The following CCSER1 variants were observed in gnomAD, a reference collection of about 807,000 sequenced individuals.
The protein encoded by CCSER1 is serine-rich coiled-coil domain-containing protein 1.
Under a neutral mutation model 82.0 loss-of-function variants are expected in CCSER1, and 41 were observed. The observed-to-expected ratio is 0.50, with a 90% CI of 0.39 to 0.65. CCSER1 has a LOEUF of 0.65. CCSER1 is among the 30% of genes least tolerant of loss of function. The pLI, the probability that CCSER1 is intolerant of heterozygous loss-of-function variation, is 0.00. For synonymous variants in CCSER1, 414 were observed against 383.9 expected (o/e 1.08, Z -0.92); for missense variants, 1,119 against 1,064.2 (o/e 1.05, Z -0.72).
In CCSER1 at chr4:91,246,827, TACACACACACAC is replaced by T. The variant is rs34278711; in HGVS notation, c.2217+160852_2217+160863del. 4.2e-5 allele frequency among the ~76,000 whole-genome samples: 6 copies of T among 144,174 alleles called. No homozygotes were observed. In the South Asian group the frequency reaches 8.8e-4, roughly 21 times the overall value. The allele number at this position is 144,174 out of a possible 152,430, so 94.6% of individuals were successfully genotyped here. ...GGCATCTCATACACACATACACACA[TACACACACACAC>T]ACACACACACACACACACGGATAGC... On this transcript the variant is annotated intron_variant, in intron 10 of 10. Transcript: ENST00000509176.
intron 3 of CCSER1, among the ~76,000 whole-genome samples, chr4:90,389,709 G>A (rs1045172037): frequency 3.3e-5 from 5 of 152,140 alleles, no homozygotes; most frequent in South Asian, 2.1e-4. Context: ...TAAATAGTCC[G>A]TATTTATTCC....
chr4:91,435,841 G>C (rs1182437044), intron 10 of CCSER1, among the ~76,000 whole-genome samples: 1 of 152,042 alleles, frequency 6.6e-6, no homozygotes, highest in Non-Finnish European at 1.5e-5. Flanking sequence ...CCTATAATTT[G>C]CTTTTTGTCT....
intron 10 of CCSER1, among the ~76,000 whole-genome samples, chr4:91,135,905 T>C (rs1728423041): frequency 6.6e-6 from 1 of 152,216 alleles, no homozygotes; most frequent in Admixed American, 6.5e-5. Flanking sequence ...AGTATATTTG[T>C]ATAAACCTGA....
rs1368232560 is a variant in CCSER1, at chr4:90,928,521, A to G, written c.2172+5074A>G. Among the ~76,000 whole-genome samples, 14 of 152,268 alleles carry G rather than the reference A, an allele frequency of 9.2e-5. No homozygotes were observed. The East Asian group carries it at 2.5e-3, about 27-fold the overall frequency. ...ACTGGTGAGGGCATACTTAAAAATC[A>G]ATAAGCTAAGTAAATAAGCAAATTA... On this transcript the variant is annotated intron_variant, in intron 9 of 10. Transcript: ENST00000509176.
At chr4:91,563,201 G>T (rs1391989819) in intron 10 of CCSER1, among the ~76,000 whole-genome samples, 1 of 151,554 alleles carries the variant, frequency 6.6e-6, no homozygotes, top group African/African-American at 2.4e-5. Flanking sequence ...TAATACTAAA[G>T]TCAGGCCGGG....
At chr4:91,238,670 T>TA (rs1380303199) in intron 10 of CCSER1, among the ~76,000 whole-genome samples, 4 of 152,194 alleles carry the variant, frequency 2.6e-5, no homozygotes, top group African/African-American at 9.7e-5. Flanking sequence ...ATAATCCAAT[T>TA]GGTTGGCCAG....
At chr4:90,877,388 A>G (rs1767346582) in intron 8 of CCSER1, among the ~76,000 whole-genome samples, 1 of 152,118 alleles carries the variant, frequency 6.6e-6, no homozygotes. Flanking sequence ...AAAAAGTATA[A>G]TCCTGGAGGA....
At chr4:90,336,361 A>G (rs1264324436) in intron 3 of CCSER1, among the ~76,000 whole-genome samples, 4 of 152,232 alleles carry the variant, frequency 2.6e-5, no homozygotes, top group Admixed American at 6.5e-5. Flanking sequence ...GATTCCAAAC[A>G]TAGGACTCTA....
intron 1 of CCSER1, among the ~76,000 whole-genome samples, chr4:90,218,701 C>T (rs1201545182): frequency 2.0e-5 from 3 of 151,836 alleles, no homozygotes; most frequent in East Asian, 1.9e-4. Flanking sequence ...AAACATGATA[C>T]GAAAACCTGA....
At chr4:91,468,934 A>C (rs1287729248) in intron 10 of CCSER1, among the ~76,000 whole-genome samples, 2 of 152,170 alleles carry the variant, frequency 1.3e-5, no homozygotes, top group Non-Finnish European at 2.9e-5. Flanking sequence ...TATTAGGCCA[A>C]AATTCAATCT....
intron 8 of CCSER1, among the ~76,000 whole-genome samples, chr4:90,842,424 G>A (rs1314830520): frequency 1.3e-5 from 2 of 152,130 alleles, no homozygotes; most frequent in African/African-American, 4.8e-5. Context: ...TAGTGGGAAT[G>A]TAGATGCAAA....
intron 10 of CCSER1, among the ~76,000 whole-genome samples, chr4:91,383,472 G>T (rs1055627461): frequency 1.3e-5 from 2 of 151,724 alleles, no homozygotes; most frequent in African/African-American, 4.8e-5. Context: ...TCAACTTTGG[G>T]GCAAATTTTT....
At chr4:90,167,009 T>C (rs1345374457) in intron 1 of CCSER1, among the ~76,000 whole-genome samples, 1 of 152,042 alleles carries the variant, frequency 6.6e-6, no homozygotes, top group African/African-American at 2.4e-5. Context: ...CAAGCGTAAG[T>C]TTATGTTATA....
At chr4:91,057,039 C>A (rs140201266) in intron 9 of CCSER1, among the ~76,000 whole-genome samples, 1,560 of 152,224 alleles carry the variant, frequency 0.01, 27 homozygotes, top group African/African-American at 0.035. Flanking sequence ...GGTACAACAA[C>A]AATGGCTGTT....
chr4:91,069,637 T>G (rs2148763047), intron 9 of CCSER1, among the ~76,000 whole-genome samples: 1 of 152,240 alleles, frequency 6.6e-6, no homozygotes, highest in South Asian at 2.1e-4. Flanking sequence ...ATATGAAAAA[T>G]ATTTTCCAGT....
chr4:91,142,656 G>A (rs895818781), intron 10 of CCSER1, among the ~76,000 whole-genome samples: 1 of 152,060 alleles, frequency 6.6e-6, no homozygotes, highest in Non-Finnish European at 1.5e-5. Context: ...ACAAGTATAC[G>A]AGAATTGAAA....
intron 4 of CCSER1, among the ~76,000 whole-genome samples, chr4:90,412,849 G>GAACAAA (rs1755104385): frequency 6.6e-6 from 1 of 152,128 alleles, no homozygotes; most frequent in Admixed American, 6.5e-5. Flanking sequence ...ACTGGAACAA[G>GAACAAA]ACAAAGATGC....
chr4:90,923,915 G>C (rs779789703), intron 9 of CCSER1, among the ~76,000 whole-genome samples: 30 of 152,284 alleles, frequency 2.0e-4, no homozygotes, highest in Non-Finnish European at 4.1e-4. Context: ...GCAGGCAGCA[G>C]AAAGTAATTT....
chr4:90,354,057 T>C (rs1743984867), intron 3 of CCSER1, among the ~76,000 whole-genome samples: 1 of 152,178 alleles, frequency 6.6e-6, no homozygotes, highest in Non-Finnish European at 1.5e-5. Context: ...TGTGCACCAA[T>C]GGATAAACAG....
Sources: allele counts gnomAD v4.1 joint callset (sites outside exome capture counted in the v4.1 genomes callset), GRCh38; gene constraint gnomAD v4.1.1; transcripts MANE v1.5; gene names NCBI Gene and HGNC (gene_info 2026-07-23, HGNC 2026-07-21).